Variants in KANSL1L observed in about 807,000 individuals in gnomAD.
KANSL1L encodes the protein KAT8 regulatory NSL complex subunit 1-like protein.
KANSL1L carries 25 observed loss-of-function variants against 108.6 expected under a neutral mutation model. That is an observed-to-expected ratio of 0.23 (90% CI 0.17 to 0.32). KANSL1L has a LOEUF of 0.32. Ranked by LOEUF, KANSL1L falls within the 10% of genes least tolerant of loss-of-function variation. The probability of loss-of-function intolerance (pLI) is 1.00; values close to 1 mark genes in which losing one functional copy is unlikely to be tolerated. For missense variants in KANSL1L, 1,137 were observed against 1,125.7 expected (o/e 1.01, Z -0.14); for synonymous variants, 405 against 395.1 (o/e 1.03, Z -0.30).
intron 3 of KANSL1L, among the ~76,000 whole-genome samples, chr2:210,117,104 A>G (rs1559571225): frequency 6.6e-6 from 1 of 152,222 alleles, no homozygotes; most frequent in Non-Finnish European, 1.5e-5. Flanking sequence ...GACATTATGA[A>G]GAATGCACAA....
At chr2:210,125,229 G>C (rs918255862) in intron 3 of KANSL1L, among the ~76,000 whole-genome samples, 1 of 152,012 alleles carries the variant, frequency 6.6e-6, no homozygotes, top group Non-Finnish European at 1.5e-5. Flanking sequence ...ACTCCAGCCT[G>C]GGCAACAAGA....
chr2:210,056,956 T>A (rs1367912089), intron 6 of KANSL1L, among the ~76,000 whole-genome samples: 1 of 152,216 alleles, frequency 6.6e-6, no homozygotes, highest in African/African-American at 2.4e-5. Context: ...CACAAATTTC[T>A]TCAATCCCTG....
intron 2 of KANSL1L, among the ~76,000 whole-genome samples, chr2:210,141,553 T>C (rs909513634): frequency 3.3e-5 from 5 of 152,176 alleles, no homozygotes; most frequent in Admixed American, 2.6e-4. Flanking sequence ...CGCTGACAAC[T>C]TGGCCTTGGA....
chr2:210,094,010 CAA>C, intron 5 of KANSL1L, among the ~76,000 whole-genome samples: 1 of 151,956 alleles, frequency 6.6e-6, no homozygotes, highest in Non-Finnish European at 1.5e-5. Context: ...CTAGAGTAGT[CAA>C]ATTCATATAG....
intron 5 of KANSL1L, among the ~76,000 whole-genome samples, chr2:210,079,216 C>G (rs1439403213): frequency 6.6e-6 from 1 of 152,030 alleles, no homozygotes; most frequent in Non-Finnish European, 1.5e-5. Flanking sequence ...TTAGTGTTCC[C>G]ACTGAGATTA....
At chr2:210,166,412 A>G (rs1575654734) in intron 1 of KANSL1L, among the ~76,000 whole-genome samples, 2 of 152,148 alleles carry the variant, frequency 1.3e-5, no homozygotes, top group Non-Finnish European at 2.9e-5. Flanking sequence ...CAAACTTTCT[A>G]AAGAAAAATA....
At chr2:210,085,638 AAT>A (rs1173671012) in intron 5 of KANSL1L, among the ~76,000 whole-genome samples, 4 of 152,038 alleles carry the variant, frequency 2.6e-5, no homozygotes, top group Non-Finnish European at 4.4e-5. Flanking sequence ...TCTCAACAGA[AAT>A]ATAGTTTTCA....
intron 6 of KANSL1L, among the ~76,000 whole-genome samples, chr2:210,058,131 C>G (rs1575440020): frequency 6.6e-6 from 1 of 152,140 alleles, no homozygotes; most frequent in Admixed American, 6.6e-5. Flanking sequence ...AATTCTTTTT[C>G]TCAGCAAGGA....
intron 2 of KANSL1L, among the ~76,000 whole-genome samples, chr2:210,140,735 C>T (rs1169979412): frequency 6.6e-6 from 1 of 152,058 alleles, no homozygotes; most frequent in Non-Finnish European, 1.5e-5. Context: ...TTGTAGATTG[C>T]TTTGGGTTGT....
intron 8 of KANSL1L, among the ~76,000 whole-genome samples, chr2:210,034,471 A>C (rs1348870826): frequency 6.6e-6 from 1 of 152,198 alleles, no homozygotes; most frequent in South Asian, 2.1e-4. Flanking sequence ...GTGAGAAAGA[A>C]TCATGAGGGA....
intron 6 of KANSL1L, chr2:210,064,276 T>C (rs1404474082): frequency 6.6e-6 from 1 of 152,208 alleles, no homozygotes; most frequent in Admixed American, 6.5e-5. Context: ...ATCAGCAGCA[T>C]GAATATGGAC....
intron 1 of KANSL1L, among the ~76,000 whole-genome samples, chr2:210,161,530 A>T (rs1426428587): frequency 1.3e-5 from 2 of 152,260 alleles, no homozygotes; most frequent in Admixed American, 6.5e-5. Flanking sequence ...CTTTTTTTAG[A>T]TATGACACCA....
chr2:210,106,762 C>A (rs377337213), intron 3 of KANSL1L, among the ~76,000 whole-genome samples: 273 of 123,242 alleles, frequency 2.2e-3, no homozygotes, highest in South Asian at 2.5e-3. Context: ...GAGACTCTGT[C>A]AAAAAAAAAA....
intron 2 of KANSL1L, among the ~76,000 whole-genome samples, chr2:210,148,399 C>T (rs1425499113): frequency 1.3e-5 from 2 of 152,150 alleles, no homozygotes; most frequent in Admixed American, 1.3e-4. Context: ...CTGTAGCCAA[C>T]TTTTGTCAGC....
At chr2:210,168,492 T>C (rs536927391) in intron 1 of KANSL1L, among the ~76,000 whole-genome samples, 17 of 152,208 alleles carry the variant, frequency 1.1e-4, no homozygotes, top group African/African-American at 3.8e-4. Flanking sequence ...GAACTTCAGA[T>C]AGCAGGCATC....
chr2:210,022,600 TTGTATGTATGTGTATATATATATGTA>T lies in KANSL1L; in HGVS notation c.*323_*348del, dbSNP rs1216870788. ...AATAGCTGTCACTTGGCACACAGGT[TTGTATGTATGTGTATATATATATGTA>T]TGTATGTATGGTGTGGGTACATAGT... On this transcript the variant is annotated 3_prime_UTR_variant, in exon 15 of 15. Transcript: ENST00000281772. 1.4e-4 allele frequency: 26 copies of T among 191,396 alleles called. No homozygotes were observed. The highest frequency in any genetic ancestry group is 2.5e-4 in the Non-Finnish European group (23 of 92,674). 11.9% of individuals were successfully genotyped at this position (191,396 alleles called of 1,614,324 possible).
intron 3 of KANSL1L, among the ~76,000 whole-genome samples, chr2:210,118,933 G>C (rs2094985678): frequency 6.6e-6 from 1 of 152,020 alleles, no homozygotes; most frequent in African/African-American, 2.4e-5. Context: ...ACTTAGGGAG[G>C]ACGAGGCAGG....
chr2:210,155,463 C>G (rs1402663126), intron 1 of KANSL1L, among the ~76,000 whole-genome samples: 1 of 152,108 alleles, frequency 6.6e-6, no homozygotes, highest in Non-Finnish European at 1.5e-5. Context: ...CATATAACTT[C>G]ACAGCTGTTA....
At chr2:210,151,681 A>G (rs1423908330) in intron 2 of KANSL1L, 2 of 152,218 alleles carry the variant, frequency 1.3e-5, no homozygotes, top group African/African-American at 4.8e-5. Flanking sequence ...TGAAATAAGG[A>G]TAACAACTAC....
Sources: allele counts gnomAD v4.1 joint callset (sites outside exome capture counted in the v4.1 genomes callset), GRCh38; gene constraint gnomAD v4.1.1; transcripts MANE v1.5; gene names NCBI Gene and HGNC (gene_info 2026-07-23, HGNC 2026-07-21).